Variants in ESR1 observed in about 807,000 individuals in gnomAD.
ESR1 encodes the protein estrogen receptor.
Under a neutral mutation model 52.7 loss-of-function variants are expected in ESR1, and 12 were observed. The ratio of observed to expected loss-of-function variants is 0.23; its 90% confidence interval spans 0.15 to 0.37. The LOEUF is 0.37. ESR1 is among the 10% of genes least tolerant of loss of function. The pLI is 1.00. For synonymous variants in ESR1, 305 were observed against 316.8 expected (o/e 0.96, Z 0.39); for missense variants, 584 against 779.7 (o/e 0.75, Z 2.99).
intron 2 of ESR1, among the ~76,000 whole-genome samples, chr6:151,708,822 G>C (rs992863149): frequency 1.3e-5 from 2 of 152,010 alleles, no homozygotes; most frequent in Non-Finnish European, 2.9e-5. Context: ...GGCAGATAAA[G>C]TTGTATGATT....
chr6:152,035,077 C>T (rs1371821773), intron 5 of ESR1, among the ~76,000 whole-genome samples: 1 of 151,998 alleles, frequency 6.6e-6, no homozygotes, highest in Non-Finnish European at 1.5e-5. Context: ...CAGCTGCATC[C>T]CATAAAATTA....
At chr6:151,879,094 C>T (rs1370492384) in intron 2 of ESR1, among the ~76,000 whole-genome samples, 1 of 152,098 alleles carries the variant, frequency 6.6e-6, no homozygotes, top group Non-Finnish European at 1.5e-5. Flanking sequence ...GGATTGAGCC[C>T]TGAGCACCTC....
intron 3 of ESR1, among the ~76,000 whole-genome samples, chr6:151,921,839 C>T (rs531284608): frequency 6.6e-6 from 1 of 152,254 alleles, no homozygotes; most frequent in Non-Finnish European, 1.5e-5. Context: ...GGATATTAAA[C>T]CTTTGTCAGA....
chr6:151,781,319 C>G (rs1309594608), intron 2 of ESR1, among the ~76,000 whole-genome samples: 1 of 152,178 alleles, frequency 6.6e-6, no homozygotes, highest in Non-Finnish European at 1.5e-5. Context: ...GATGTGTCTA[C>G]ATGGTGGAAG....
intron 2 of ESR1, among the ~76,000 whole-genome samples, chr6:151,862,445 T>C (rs992165728): frequency 1.3e-5 from 2 of 152,154 alleles, no homozygotes; most frequent in African/African-American, 4.8e-5. Flanking sequence ...GCTGTTACCA[T>C]GCAATGGATA....
chr6:151,985,877 C>T (rs1216008921), intron 4 of ESR1, among the ~76,000 whole-genome samples: 4 of 151,978 alleles, frequency 2.6e-5, no homozygotes, highest in Non-Finnish European at 4.4e-5. Flanking sequence ...CACGTTGGCC[C>T]AGGCTGGTCT....
At chr6:151,830,289 C>G (rs182414071) in intron 1 of ESR1, among the ~76,000 whole-genome samples, 1 of 152,282 alleles carries the variant, frequency 6.6e-6, no homozygotes, top group African/African-American at 2.4e-5. Context: ...CTTCCCCCTT[C>G]TCTTCTCCTC....
At chr6:151,991,720 G>A (rs190989316) in intron 4 of ESR1, among the ~76,000 whole-genome samples, 151 of 152,258 alleles carry the variant, frequency 9.9e-4, no homozygotes, top group Non-Finnish European at 8.1e-4. Flanking sequence ...ATGAGCAGAA[G>A]CTTAGAAGTA....
At chr6:151,689,926 A>T (rs983576170), upstream of ESR1, among the ~76,000 whole-genome samples, 1 of 150,136 alleles carries the variant, frequency 6.7e-6, no homozygotes, top group Non-Finnish European at 1.5e-5. Flanking sequence ...TTAAACAAAC[A>T]ATCAATAACC....
chr6:151,977,812 A>T (rs9371571), intron 4 of ESR1, among the ~76,000 whole-genome samples: 7,509 of 151,808 alleles, frequency 0.049, 478 homozygotes, highest in African/African-American at 0.15. Flanking sequence ...ATAATAATAA[A>T]AAAAAGTGAC....
At chr6:151,904,802 C>T (rs920560773) in intron 3 of ESR1, among the ~76,000 whole-genome samples, 2 of 152,044 alleles carry the variant, frequency 1.3e-5, no homozygotes, top group Non-Finnish European at 2.9e-5. Context: ...GGAATTGATT[C>T]GTTTCACGTG....
intron 2 of ESR1, among the ~76,000 whole-genome samples, chr6:151,768,569 G>T (rs182384643): frequency 1.3e-5 from 2 of 152,214 alleles, no homozygotes; most frequent in East Asian, 3.9e-4. Context: ...TGAATTTCCT[G>T]ACTTTGATCA....
At chr6:151,844,997 TA>T (rs2128238389) in intron 2 of ESR1, among the ~76,000 whole-genome samples, 1 of 152,242 alleles carries the variant, frequency 6.6e-6, no homozygotes, top group East Asian at 1.9e-4. Flanking sequence ...ATACCAGTTA[TA>T]AATTAAAATT....
At chr6:151,899,904 C>T (rs1207686811) in intron 3 of ESR1, among the ~76,000 whole-genome samples, 1 of 151,734 alleles carries the variant, frequency 6.6e-6, no homozygotes, top group African/African-American at 2.4e-5. Context: ...ACACTCCTCA[C>T]TTTCCAGACT....
intron 7 of ESR1, among the ~76,000 whole-genome samples, chr6:152,097,522 A>G (rs868783385): frequency 2.6e-5 from 4 of 152,142 alleles, no homozygotes; most frequent in Non-Finnish European, 1.5e-5. Context: ...CCTACTAAAA[A>G]TGCAAATTTT....
chr6:151,791,196 G>A (rs972087213), intron 2 of ESR1, among the ~76,000 whole-genome samples: 2 of 152,144 alleles, frequency 1.3e-5, no homozygotes, highest in African/African-American at 4.8e-5. Flanking sequence ...GTTTGGCTGT[G>A]ACCTCGCTCA....
intron 4 of ESR1, among the ~76,000 whole-genome samples, chr6:151,964,164 G>A (rs1340449719): frequency 1.3e-5 from 2 of 152,136 alleles, no homozygotes; most frequent in Admixed American, 1.3e-4. Flanking sequence ...GTCTTTTGTG[G>A]TTCCATACAG....
rs2050898029 is a variant in ESR1, at chr6:152,099,790, A to C, written c.*824A>C. On this transcript the variant is annotated 3_prime_UTR_variant, in exon 8 of 8. Coordinates refer to ENST00000206249, the MANE Select transcript of ESR1 (RefSeq NM_000125.4). ...TGTTTTTATTTTTGTGTTACAAAAG[A>C]AAGCCCTCCCTCCCTGAACTTGCAG... The C allele has an allele frequency of 2.6e-6, 1 of 390,560 alleles. No individual in the cohort carries two copies. The highest frequency in any genetic ancestry group is 4.5e-6 in the Non-Finnish European group (1 of 221,496). The allele number at this position is 390,560 out of a possible 1,614,324, so 24.2% of individuals were successfully genotyped here. A position where few individuals can be genotyped will look rare whatever the true frequency, so the allele number is the denominator to read the frequency against.
intron 6 of ESR1, among the ~76,000 whole-genome samples, chr6:152,082,283 T>C (rs9479218): frequency 0.21 from 32,111 of 152,096 alleles, 4,786 homozygotes; most frequent in African/African-American, 0.41. Context: ...TCAGCTTCAT[T>C]CCTGGGATGC....
Sources: gnomAD v4.1 joint callset for allele counts (sites outside exome capture counted in the v4.1 genomes callset) on GRCh38, gnomAD v4.1.1 for gene constraint, MANE v1.5 for transcripts, NCBI Gene and HGNC (gene_info 2026-07-23, HGNC 2026-07-21) for gene names.